The following PUF60 variants were observed in gnomAD, a reference collection of about 807,000 sequenced individuals.
The protein encoded by PUF60 is poly(U)-binding-splicing factor PUF60.
PUF60 carries 10 observed loss-of-function variants against 61.8 expected under a neutral mutation model. The observed-to-expected ratio is 0.16, with a 90% CI of 0.10 to 0.27. PUF60 has a LOEUF of 0.27. Ranked by LOEUF, PUF60 falls within the 10% of genes least tolerant of loss-of-function variation. The pLI, the probability that PUF60 is intolerant of heterozygous loss-of-function variation, is 1.00. For synonymous variants in PUF60, 353 were observed against 300.9 expected (o/e 1.17, Z -1.79); for missense variants, 371 against 754.0 (o/e 0.49, Z 5.95).
At chr8:143,823,183 C>G (rs1205819153) in intron 2 of PUF60, 1 of 160,244 alleles carries the variant, frequency 6.2e-6, no homozygotes. Context: ...CCCTCAGCAC[C>G]AGGTGCCCCA....
chr8:143,828,861 C>T, intron 1 of PUF60: 2 of 929,014 alleles, frequency 2.2e-6, no homozygotes, highest in Non-Finnish European at 2.6e-6. Flanking sequence ...TCTACAGGTC[C>T]CGTCCCCTTC....
intron 2 of PUF60, 85 bp downstream of exon 2, chr8:143,824,228 C>T (rs1466669930): frequency 1.4e-6 from 2 of 1,410,248 alleles, no homozygotes; most frequent in South Asian, 1.3e-5. Context: ...AGCCAGCCCT[C>T]TCTGGGCCCA....
At chr8:143,824,734 C>T (rs781295753) in intron 1 of PUF60, 16 of 368,510 alleles carry the variant, frequency 4.3e-5, no homozygotes, top group Non-Finnish European at 6.6e-5. Flanking sequence ...CCAAAGGAAC[C>T]GGCTGGGTGT....
intron 1 of PUF60, among the ~76,000 whole-genome samples, chr8:143,828,718 C>T (rs1817938437): frequency 6.6e-6 from 1 of 152,204 alleles, no homozygotes; most frequent in African/African-American, 2.4e-5. Flanking sequence ...AGGATGAGAG[C>T]GCACGTCCTT....
rs200500575 is a variant in PUF60, at chr8:143,821,917, G to T, written c.112-4C>A. On this transcript the variant is annotated splice_polypyrimidine_tract_variant and splice_region_variant and intron_variant, in intron 2 of 11. Coordinates refer to ENST00000526683, the MANE Select transcript of PUF60 (RefSeq NM_078480.3). ...CCATCTTGATGGAGTCTGTGCCCTG[G>T]TAAGGGAGCAGGGGAATCCATCAGC... is the stretch of plus-strand genomic sequence containing the variant. The T allele has an allele frequency of 1.5e-4, 246 of 1,591,022 alleles. No homozygotes were observed. The African/African-American group carries it at 2.8e-3, about 18-fold the overall frequency.
At position 143,818,755 on chromosome 8, in the gene PUF60, C is replaced by T. The variant is rs1415193445; in HGVS notation, c.349-221G>A. On this transcript the variant is annotated intron_variant, in intron 5 of 11. Transcript: ENST00000526683. This position sits in a 1 kb window ranked among gnomAD's most constrained non-coding sequence, Gnocchi z 7.9. ...GGCCCAGCGGCAGGACAGGACGCAC[C>T]CCAGCCCGCCAAGGTCCCAGGCAGA... 2 of 582,164 alleles carry T rather than the reference C, an allele frequency of 3.4e-6. No homozygotes were observed. Among genetic ancestry groups the T allele is most frequent in the Admixed American group, 3.2e-5 (1 of 31,574 alleles). The allele number at this position is 582,164 out of a possible 1,614,324, so 36.1% of individuals were successfully genotyped here.
chr8:143,822,970 C>T, intron 2 of PUF60: 1 of 185,768 alleles, frequency 5.4e-6, no homozygotes, highest in South Asian at 9.7e-5. Flanking sequence ...ACACAGGAGG[C>T]AGGAAGGGAC....
intron 1 of PUF60, among the ~76,000 whole-genome samples, chr8:143,826,541 C>T (rs1213258408): frequency 1.3e-5 from 2 of 152,062 alleles, no homozygotes; most frequent in East Asian, 3.8e-4. Context: ...ATGGTGAAAC[C>T]CCATCTCTAC....
intron 1 of PUF60, among the ~76,000 whole-genome samples, chr8:143,828,630 C>T (rs1167423089): frequency 6.6e-6 from 1 of 152,218 alleles, no homozygotes; most frequent in Non-Finnish European, 1.5e-5. Context: ...ACTAGACCTC[C>T]AACTGCCTGT....
chr8:143,816,375 C>A lies in PUF60; in HGVS notation c.*145G>T. 1 of 895,856 alleles carries A rather than the reference C, an allele frequency of 1.1e-6. No homozygotes were observed. The highest frequency in any genetic ancestry group is 1.7e-6 in the Non-Finnish European group (1 of 605,522). 55.5% of individuals were successfully genotyped at this position (895,856 alleles called of 1,614,324 possible). On this transcript the variant is annotated 3_prime_UTR_variant, in exon 12 of 12. Transcript: ENST00000526683. ...ACAGGACCGACGGCAGACACACGGACGTTCAGGGCCAGCAGCATCCGCACC... is the reference window on the plus strand; with the variant it reads ...ACAGGACCGACGGCAGACACACGGAAGTTCAGGGCCAGCAGCATCCGCACC...
chr8:143,817,244 A>C lies in PUF60; in HGVS notation c.1144+87T>G. On this transcript the variant is annotated intron_variant, in intron 10 of 11. Transcript: ENST00000526683. The surrounding 1 kb of genome is among the most constrained non-coding windows in gnomAD (Gnocchi z 7.4). ...GCCCTGGGCTCAGAGGGTTGTGCCC[A>C]GACCACCAGGGCCAGGCAGCTGAGG... 1 of 1,526,934 alleles carries C rather than the reference A, an allele frequency of 6.5e-7. No individual in the cohort carries two copies. The highest frequency in any genetic ancestry group is 8.8e-7 in the Non-Finnish European group (1 of 1,137,944). The allele number at this position is 1,526,934 out of a possible 1,614,324, so 94.6% of individuals were successfully genotyped here. A position where few individuals can be genotyped will look rare whatever the true frequency, so the allele number is the denominator to read the frequency against.
intron 5 of PUF60, among the ~76,000 whole-genome samples, chr8:143,819,516 C>T (rs960788272): frequency 6.6e-6 from 1 of 152,186 alleles, no homozygotes. Flanking sequence ...AGACCAGTTT[C>T]CCTCTTTAGA....
rs752339972 is a variant in PUF60, at chr8:143,818,330, G to A, written c.510+43C>T. 3 of 1,608,512 alleles carry A rather than the reference G, an allele frequency of 1.9e-6. No individual in the cohort carries two copies. The highest frequency in any genetic ancestry group is 2.5e-6 in the Non-Finnish European group (3 of 1,176,752). On this transcript the variant is annotated intron_variant, in intron 6 of 11. Transcript: ENST00000526683. This position sits in a 1 kb window ranked among gnomAD's most constrained non-coding sequence, Gnocchi z 7.9. ...TGTCAGGCTGCGCGAGCCCAGGGGTGGGGGCGAGCCCGAAGTGGCCGGGGC... is the reference window on the plus strand; with the variant it reads ...TGTCAGGCTGCGCGAGCCCAGGGGTAGGGGCGAGCCCGAAGTGGCCGGGGC...
At position 143,821,580 on chromosome 8, in the gene PUF60, C is replaced by G; in HGVS notation, c.297+17G>C. On this transcript the variant is annotated intron_variant, in intron 4 of 11. Coordinates refer to ENST00000526683, the MANE Select transcript of PUF60 (RefSeq NM_078480.3). ...GCTGTGGTGGGGAGGGCGGTAGAGG[C>G]TCCGGCCGGGGCTCACCTGCAGGTT... 6.5e-7 allele frequency: 1 copy of G among 1,537,832 alleles called. No homozygotes were observed. The highest frequency in any genetic ancestry group is 8.7e-7 in the Non-Finnish European group (1 of 1,145,458).
chr8:143,827,530 A>C (rs966921905), intron 1 of PUF60: 1 of 447,924 alleles, frequency 2.2e-6, no homozygotes, highest in Non-Finnish European at 4.5e-6. Context: ...TCAACCTCCC[A>C]TGAGAGCTGA....
intron 1 of PUF60, among the ~76,000 whole-genome samples, chr8:143,828,709 G>A (rs1048803395): frequency 1.3e-5 from 2 of 152,212 alleles, no homozygotes; most frequent in African/African-American, 2.4e-5. Context: ...AAAACACGTA[G>A]GATGAGAGCG....
rs1324225436 is a variant in PUF60, at chr8:143,816,709, G to T, written c.1491C>A (p.Ile497=). The T allele has an allele frequency of 6.2e-7, 1 of 1,613,858 alleles. No homozygotes were observed. Among genetic ancestry groups the T allele is most frequent in the South Asian group, 1.1e-5 (1 of 91,082 alleles). The change falls in exon 12 of 12, where the codon ATC becomes ATA. Residue 497 remains isoleucine, a synonymous_variant. Coordinates refer to ENST00000526683, the MANE Select transcript of PUF60 (RefSeq NM_078480.3). ...CGKFGAVNRV[I]IYQEKQGEEE... ...CCTCGCCTTGTTTCTCTTGGTAGAT[G>T]ATGACGCGGTTCACGGCCCCGAACT...
chr8:143,817,803 G>A lies in PUF60; in HGVS notation c.818-21C>T. 1 of 1,607,556 alleles carries A rather than the reference G, an allele frequency of 6.2e-7. No homozygotes were observed. Among genetic ancestry groups the A allele is most frequent in the Non-Finnish European group, 8.5e-7 (1 of 1,177,468 alleles). On this transcript the variant is annotated intron_variant, in intron 8 of 11. Coordinates refer to ENST00000526683, the MANE Select transcript of PUF60 (RefSeq NM_078480.3). This position sits in a 1 kb window ranked among gnomAD's most constrained non-coding sequence, Gnocchi z 7.4. ...GTACTCTGTGGGCAGGAGCAGCAGT[G>A]AGCAGGGCCAGCCCCAGCCTCAGGT... is the stretch of plus-strand genomic sequence containing the variant.
rs1817260718 is a variant in PUF60 at position 143,823,495 on chromosome 8, C to T, written c.111+818G>A. On this transcript the variant is annotated intron_variant, in intron 2 of 11. Transcript: ENST00000526683. ...CTTGGTAAACAAAAGGCCCTTCTCC[C>T]ACCAACCAATGGCCGGCTGGGCGCC... is the stretch of plus-strand genomic sequence containing the variant. 2.6e-5 allele frequency among the ~76,000 whole-genome samples: 4 copies of T among 152,252 alleles called. No individual in the cohort carries two copies. The South Asian group carries it at 8.3e-4, about 31-fold the overall frequency.
Sources: allele counts gnomAD v4.1 joint callset (sites outside exome capture counted in the v4.1 genomes callset), GRCh38; gene constraint gnomAD v4.1.1; non-coding constraint Gnocchi (gnomAD v3.1); transcripts MANE v1.5; gene names NCBI Gene and HGNC (gene_info 2026-07-23, HGNC 2026-07-21).